PTPRG: variants seen among roughly 807,000 people sequenced by gnomAD.
The protein encoded by PTPRG is receptor-type tyrosine-protein phosphatase gamma.
In PTPRG, 102 loss-of-function variants were observed where a neutral mutation model predicts 165.3. That is an observed-to-expected ratio of 0.62 (90% CI 0.53 to 0.73). The LOEUF is 0.73. Ranked by LOEUF, PTPRG falls within the 30% of genes least tolerant of loss-of-function variation. The pLI, the probability that PTPRG is intolerant of heterozygous loss-of-function variation, is 0.00. For synonymous variants in PTPRG, 675 were observed against 669.5 expected, an observed-to-expected ratio of 1.01 and a Z score of -0.13; for missense variants, 1,866 against 1,861.4, an observed-to-expected ratio of 1.00 and a Z score of -0.05.
At chr3:61,881,075 T>C (rs1370924804) in intron 2 of PTPRG, among the ~76,000 whole-genome samples, 2 of 152,260 alleles carry the variant, frequency 1.3e-5, no homozygotes, top group South Asian at 4.1e-4. Context: ...CAAGGGTTTT[T>C]TTTTTCCAGA....
chr3:61,845,449 T>A (rs2036780267), intron 2 of PTPRG, among the ~76,000 whole-genome samples: 1 of 152,216 alleles, frequency 6.6e-6, no homozygotes, highest in African/African-American at 2.4e-5. Flanking sequence ...ACTGGGAAGA[T>A]GTCTATTGAT....
At chr3:61,951,479 T>G (rs1457925558) in intron 2 of PTPRG, among the ~76,000 whole-genome samples, 1 of 152,230 alleles carries the variant, frequency 6.6e-6, no homozygotes, top group Admixed American at 6.5e-5. Context: ...GGCAACCTTT[T>G]AAAGAAGTAT....
intron 12 of PTPRG, among the ~76,000 whole-genome samples, chr3:62,207,893 A>G (rs538758422): frequency 6.6e-6 from 1 of 152,198 alleles, no homozygotes; most frequent in Non-Finnish European, 1.5e-5. Context: ...CAAATTAAAG[A>G]GCACATGACT....
intron 3 of PTPRG, among the ~76,000 whole-genome samples, chr3:61,994,608 G>A (rs886924403): frequency 6.6e-6 from 1 of 152,196 alleles, no homozygotes; most frequent in Non-Finnish European, 1.5e-5. Flanking sequence ...TAAAAGTAAG[G>A]CAAGTAGTAG....
At chr3:61,575,654 A>G (rs1700160137) in intron 1 of PTPRG, among the ~76,000 whole-genome samples, 1 of 134,772 alleles carries the variant, frequency 7.4e-6, no homozygotes, top group East Asian at 2.1e-4. Flanking sequence ...CAGACTGTTC[A>G]GTGGCGCACT....
intron 4 of PTPRG, among the ~76,000 whole-genome samples, chr3:62,021,789 T>C (rs1170387878): frequency 6.6e-6 from 1 of 151,912 alleles, no homozygotes; most frequent in Non-Finnish European, 1.5e-5. Context: ...TATGGGTTCC[T>C]AATATGGGGC....
At chr3:61,573,534 T>G (rs1299559008) in intron 1 of PTPRG, among the ~76,000 whole-genome samples, 8 of 152,212 alleles carry the variant, frequency 5.3e-5, no homozygotes, top group Non-Finnish European at 1.0e-4. Flanking sequence ...CCTTCACCCT[T>G]GTTTTAGTAC....
rs1700833023 is a variant in PTPRG at position 62,229,035 on chromosome 3, C to T, written c.2289-2190C>T. ...TTTTAATCATTAGGAATAATTTTTA[C>T]AGTTCAGCTTTTCAAAGCCTGACAA... is the stretch of plus-strand genomic sequence containing the variant. On this transcript the variant is annotated intron_variant, in intron 13 of 29. Transcript: ENST00000474889. The surrounding 1 kb of genome is among the most constrained non-coding windows in gnomAD (Gnocchi z 4.6). Among the ~76,000 whole-genome samples the T allele has an allele frequency of 6.6e-6, 1 of 152,052 alleles. No homozygotes were observed. Among genetic ancestry groups the T allele is most frequent in the Non-Finnish European group, 1.5e-5 (1 of 68,014 alleles).
intron 2 of PTPRG, among the ~76,000 whole-genome samples, chr3:61,978,593 CAT>C (rs1370722821): frequency 1.3e-5 from 2 of 152,114 alleles, no homozygotes; most frequent in East Asian, 1.9e-4. Flanking sequence ...TTCTTGTAAA[CAT>C]ATGTATTAAG....
rs1351095446 is a variant in PTPRG, at chr3:62,081,271, AAC to A, written c.615+3015_615+3016del. ...GACTCCGTCTCAAAACAAACAAACA[AAC>A]AAACAAACAAACAAACAAACAAAAA... On this transcript the variant is annotated intron_variant, in intron 5 of 29. Transcript: ENST00000474889. 6.6e-5 allele frequency among the ~76,000 whole-genome samples: 8 copies of A among 121,230 alleles called. 1 individual carries two copies. The highest frequency in any genetic ancestry group is 2.2e-4 in the African/African-American group (8 of 35,846). 79.5% of individuals were successfully genotyped at this position (121,230 alleles called of 152,430 possible).
intron 2 of PTPRG, among the ~76,000 whole-genome samples, chr3:61,892,816 C>CA (rs1311103826): frequency 2.1e-3 from 252 of 120,520 alleles, no homozygotes; most frequent in African/African-American, 3.2e-3. Flanking sequence ...AACTCTGTCT[C>CA]AAAAAAAAAA....
At chr3:61,979,573 T>C (rs1302633896) in intron 2 of PTPRG, among the ~76,000 whole-genome samples, 1 of 152,150 alleles carries the variant, frequency 6.6e-6, no homozygotes, top group African/African-American at 2.4e-5. Context: ...GTATTTCTGC[T>C]AAAATCCCTC....
chr3:61,968,529 C>A (rs1391270358), intron 2 of PTPRG, among the ~76,000 whole-genome samples: 1 of 152,132 alleles, frequency 6.6e-6, no homozygotes, highest in Non-Finnish European at 1.5e-5. Context: ...TGTGAGAATT[C>A]TTCCCCAAAA....
Position 62,294,292 on chromosome 3 carries a change from C to T in PTPRG, c.*985C>T, listed in dbSNP as rs1198197196. The T allele has an allele frequency of 2.0e-5, 3 of 152,076 alleles. No individual in the cohort carries two copies. The highest frequency in any genetic ancestry group is 2.9e-5 in the Non-Finnish European group (2 of 68,002). 9.4% of individuals were successfully genotyped at this position (152,076 alleles called of 1,614,324 possible). A position where few individuals can be genotyped will look rare whatever the true frequency, so the allele number is the denominator to read the frequency against. Reference sequence around the variant, plus strand: ...ATAGCAATCTAATAAAAACTACCTACATAGTTACTGTTTTCTTTCCTTCTT... The same window carrying T: ...ATAGCAATCTAATAAAAACTACCTATATAGTTACTGTTTTCTTTCCTTCTT... On this transcript the variant is annotated 3_prime_UTR_variant, in exon 30 of 30. Transcript: ENST00000474889.
chr3:62,036,595 T>C (rs901942055), intron 4 of PTPRG, among the ~76,000 whole-genome samples: 1 of 152,212 alleles, frequency 6.6e-6, no homozygotes, highest in South Asian at 2.1e-4. Context: ...CTCACATTTA[T>C]TGGTGTTTAG....
Position 61,573,436 on chromosome 3 carries a change from TACA to T in PTPRG, c.85+11074_85+11076del, listed in dbSNP as rs1473443417. ...TAGAAATAGTGCACATTTTAATTTT[TACA>T]ACAACAACATGCGAAAGCCTGAACT... On this transcript the variant is annotated intron_variant, in intron 1 of 29. Coordinates refer to ENST00000474889, the MANE Select transcript of PTPRG (RefSeq NM_002841.4). 1.3e-4 allele frequency among the ~76,000 whole-genome samples: 20 copies of T among 152,322 alleles called. No individual in the cohort carries two copies. The South Asian group carries it at 2.9e-3, about 22-fold the overall frequency.
chr3:62,144,268 A>G (rs769119266), intron 6 of PTPRG, among the ~76,000 whole-genome samples: 11 of 152,236 alleles, frequency 7.2e-5, no homozygotes, highest in South Asian at 2.1e-4. Flanking sequence ...GCACCCAGTA[A>G]TTTGTTTATG....
intron 4 of PTPRG, among the ~76,000 whole-genome samples, chr3:62,015,557 G>C (rs983093292): frequency 5.3e-5 from 8 of 152,184 alleles, no homozygotes; most frequent in African/African-American, 1.4e-4. Context: ...GCCCAGTCTG[G>C]CCTCGAACTC....
At chr3:61,629,397 G>T (rs552606776) in intron 1 of PTPRG, among the ~76,000 whole-genome samples, 1 of 152,026 alleles carries the variant, frequency 6.6e-6, no homozygotes. Flanking sequence ...CTTGTGATCC[G>T]CCTGCCTTGG....
Sources: gnomAD v4.1 joint callset for allele counts (sites outside exome capture counted in the v4.1 genomes callset) on GRCh38, gnomAD v4.1.1 for gene constraint, Gnocchi (gnomAD v3.1) non-coding constraint, MANE v1.5 for transcripts, NCBI Gene and HGNC (gene_info 2026-07-23, HGNC 2026-07-21) for gene names.